FAS: variants seen among roughly 807,000 people sequenced by gnomAD.
The protein encoded by FAS is Fas cell surface death receptor.
FAS carries 5 observed loss-of-function variants against 33.2 expected under a neutral mutation model. The observed-to-expected ratio is 0.15, with a 90% CI of 0.08 to 0.32. The LOEUF is 0.32. Among genes scored for constraint, FAS ranks in the 10% least tolerant of loss-of-function variants. FAS has a pLI of 1.00. For missense variants in FAS, 339 were observed against 386.0 expected, an observed-to-expected ratio of 0.88 and a Z score of 1.02; for synonymous variants, 131 against 130.7, an observed-to-expected ratio of 1.00 and a Z score of -0.01.
At chr10:88,982,547 C>T (rs548824102), upstream of FAS, among the ~76,000 whole-genome samples, 33 of 152,140 alleles carry the variant, frequency 2.2e-4, no homozygotes, top group African/African-American at 7.7e-4. Context: ...GGGGGGAATT[C>T]ATGGACATTT....
chr10:88,995,643 C>T (rs9658685), intron 1 of FAS, among the ~76,000 whole-genome samples: 17,287 of 152,136 alleles, frequency 0.11, 1,424 homozygotes, highest in East Asian at 0.42. Context: ...GCCTGGCCAA[C>T]ATGGCAAAAA....
At chr10:89,002,873 G>T in intron 1 of FAS, 156 bp from the exon 2 acceptor site, 1 of 771,502 alleles carries the variant, frequency 1.3e-6, no homozygotes, top group South Asian at 1.5e-5. Context: ...GTGACCTGCT[G>T]CTTTCTTGGA....
rs1224348070 is a variant in FAS at position 89,015,229 on chromosome 10, A to G, written c.*779A>G. 9.4e-6 allele frequency: 5 copies of G among 534,690 alleles called. No homozygotes were observed. The allele number at this position is 534,690 out of a possible 1,614,324, so 33.1% of individuals were successfully genotyped here. A position where few individuals can be genotyped will look rare whatever the true frequency, so the allele number is the denominator to read the frequency against. ...CCATTTTTGCCTTGGTGCTCATCTTAATGGCCTAATGCACCCCCAAACATG... is the reference window on the plus strand; with the variant it reads ...CCATTTTTGCCTTGGTGCTCATCTTGATGGCCTAATGCACCCCCAAACATG... On this transcript the variant is annotated 3_prime_UTR_variant, in exon 9 of 9. Transcript: ENST00000652046.
chr10:88,975,689 A>G (rs1323466882), intron 2 of FAS, among the ~76,000 whole-genome samples: 1 of 152,150 alleles, frequency 6.6e-6, no homozygotes, highest in Non-Finnish European at 1.5e-5. Flanking sequence ...AGGTCATAAA[A>G]CAGTGCCTGG....
upstream of FAS, among the ~76,000 whole-genome samples, chr10:88,988,368 G>C (rs73368839): frequency 6.7e-6 from 1 of 150,224 alleles, no homozygotes; most frequent in Non-Finnish European, 1.5e-5. Flanking sequence ...TAAACATTAG[G>C]ACCAAAGGGG....
At chr10:89,000,894 A>T (rs1926191) in intron 1 of FAS, among the ~76,000 whole-genome samples, 1 of 150,426 alleles carries the variant, frequency 6.6e-6, no homozygotes, top group Non-Finnish European at 1.5e-5. Context: ...TAAAAATACA[A>T]AAAATTAGCC....
intron 2 of FAS, among the ~76,000 whole-genome samples, chr10:88,977,484 C>T (rs998650446): frequency 6.6e-6 from 1 of 152,076 alleles, no homozygotes. Flanking sequence ...AGATATGCGG[C>T]GTTCAACCTA....
chr10:89,009,044 A>C, intron 4 of FAS, 47 bp downstream of exon 4: 2 of 1,480,470 alleles, frequency 1.4e-6, no homozygotes, highest in Non-Finnish European at 1.9e-6. Flanking sequence ...ATAACATGAG[A>C]GTTATCATTT....
At chr10:89,003,447 G>A (rs1181984846) in intron 2 of FAS, among the ~76,000 whole-genome samples, 1 of 152,082 alleles carries the variant, frequency 6.6e-6, no homozygotes, top group Admixed American at 6.6e-5. Context: ...TGGTCTATTT[G>A]GCTCCATTTT....
At chr10:89,002,018 G>A (rs1284470017) in intron 1 of FAS, among the ~76,000 whole-genome samples, 4 of 152,148 alleles carry the variant, frequency 2.6e-5, no homozygotes, top group African/African-American at 9.7e-5. Flanking sequence ...CTGGCTTTAG[G>A]GGTCTTGCTA....
At chr10:88,995,573 C>A (rs1847535618) in intron 1 of FAS, among the ~76,000 whole-genome samples, 1 of 152,268 alleles carries the variant, frequency 6.6e-6, no homozygotes, top group South Asian at 2.1e-4. Context: ...TGTCACCCAG[C>A]ACTTCAGGAG....
chr10:89,014,567 C>T lies in FAS; in HGVS notation c.*117C>T, dbSNP rs745453012. On this transcript the variant is annotated 3_prime_UTR_variant, in exon 9 of 9. Coordinates refer to ENST00000652046, the MANE Select transcript of FAS (RefSeq NM_000043.6). ...CTGGGTACATTTTATCATTTATTAG[C>T]GCTGAAGAGCCAACATATTTGTAGA... is the stretch of plus-strand genomic sequence containing the variant. 7 of 923,162 alleles carry T rather than the reference C, an allele frequency of 7.6e-6. No homozygotes were observed. The highest frequency in any genetic ancestry group is 3.0e-4 in the Middle Eastern group (1 of 3,298). The allele number at this position is 923,162 out of a possible 1,614,324, so 57.2% of individuals were successfully genotyped here. A position where few individuals can be genotyped will look rare whatever the true frequency, so the allele number is the denominator to read the frequency against.
chr10:88,966,529 TA>T (rs1284812747), intron 1 of FAS, among the ~76,000 whole-genome samples: 1 of 152,208 alleles, frequency 6.6e-6, no homozygotes, highest in Non-Finnish European at 1.5e-5. Flanking sequence ...ATAGGCAGTA[TA>T]AACTCTTCTG....
In FAS at chr10:88,998,534, T is replaced by C. The variant is rs575409182; in HGVS notation, c.31-4495T>C. 3.9e-5 allele frequency among the ~76,000 whole-genome samples: 6 copies of C among 152,252 alleles called. No homozygotes were observed. In the South Asian group the frequency reaches 1.2e-3, roughly 32 times the overall value. ...AACACCATTTTAACTTAATCACCTC[T>C]GTAAAGACCCTATCTCCTGATACAG... On this transcript the variant is annotated intron_variant, in intron 1 of 8. Transcript: ENST00000652046.
upstream of FAS, chr10:88,990,577 A>T (rs1418263574): frequency 1.2e-5 from 8 of 660,564 alleles, no homozygotes; most frequent in East Asian, 8.8e-5. The surrounding 1 kb of genome is among the most constrained non-coding windows in gnomAD (Gnocchi z 4.9). Context: ...AGCCCTCCCC[A>T]ACCCGGGCGT....
At chr10:88,973,036 G>A (rs1436817979) in intron 1 of FAS, 1 of 923,496 alleles carries the variant, frequency 1.1e-6, no homozygotes, top group Non-Finnish European at 1.5e-6. Context: ...AGAGTTTGTA[G>A]TTGTTTTATT....
At chr10:88,967,027 A>C (rs371573783) in intron 1 of FAS, among the ~76,000 whole-genome samples, 1 of 152,234 alleles carries the variant, frequency 6.6e-6, no homozygotes, top group Non-Finnish European at 1.5e-5. Context: ...CTGGGAGTTT[A>C]TACAACACTT....
chr10:88,979,031 T>C (rs1038139102), intron 2 of FAS, among the ~76,000 whole-genome samples: 1 of 152,196 alleles, frequency 6.6e-6, no homozygotes, highest in African/African-American at 2.4e-5. Context: ...TCTGTTAATA[T>C]TTGTTTTATA....
intron 1 of FAS, among the ~76,000 whole-genome samples, chr10:88,972,130 A>G (rs1449068993): frequency 6.6e-6 from 1 of 151,892 alleles, no homozygotes; most frequent in Admixed American, 6.6e-5. Flanking sequence ...GATGGTCTCA[A>G]TCTCTTGACC....
Sources: gnomAD v4.1 joint callset for allele counts (sites outside exome capture counted in the v4.1 genomes callset) on GRCh38, gnomAD v4.1.1 for gene constraint, Gnocchi (gnomAD v3.1) non-coding constraint, MANE v1.5 for transcripts, NCBI Gene and HGNC (gene_info 2026-07-23, HGNC 2026-07-21) for gene names.